Variants in RNLS observed in about 807,000 individuals in gnomAD.
The protein encoded by RNLS is renalase.
A neutral mutation model predicts 39.8 loss-of-function variants in RNLS; 39 were observed. That is an observed-to-expected ratio of 0.98 (90% CI 0.76 to 1.28). The LOEUF is 1.28. Ranked by LOEUF, RNLS falls within the 50% of genes most tolerant of loss-of-function variation. RNLS has a pLI of 0.00. For missense variants in RNLS, 410 were observed against 413.3 expected (o/e 0.99, Z 0.07); for synonymous variants, 147 against 150.7 (o/e 0.98, Z 0.18).
chr10:88,202,979 C>G, the RNLS span, among the ~76,000 whole-genome samples: 6 of 152,026 alleles, frequency 3.9e-5, no homozygotes, highest in East Asian at 1.2e-3. Context: ...GTGGAGAGAC[C>G]TTTCAAGAGG....
At chr10:88,320,191 C>T (rs141772460) in intron 5 of RNLS, among the ~76,000 whole-genome samples, 105 of 150,978 alleles carry the variant, frequency 7.0e-4, no homozygotes, top group African/African-American at 2.4e-3. Flanking sequence ...TATACCCTGC[C>T]AAACTACACC....
intron 4 of RNLS, among the ~76,000 whole-genome samples, chr10:88,469,822 CGTGTGTGTGTGTGT>C (rs199651876): frequency 4.3e-5 from 6 of 138,202 alleles, no homozygotes; most frequent in Non-Finnish European, 6.2e-5. Context: ...TATGTGTGTG[CGTGTGTGTGTGTGT>C]GTGTGTGTGT....
At chr10:88,341,446 T>TAAAC (rs1847955534) in intron 5 of RNLS, among the ~76,000 whole-genome samples, 1 of 151,184 alleles carries the variant, frequency 6.6e-6, no homozygotes, top group Non-Finnish European at 1.5e-5. Flanking sequence ...ACTGAATGTA[T>TAAAC]AAACAATGAA....
At chr10:88,256,841 G>A in the RNLS span, among the ~76,000 whole-genome samples, 2 of 152,000 alleles carry the variant, frequency 1.3e-5, no homozygotes, top group Admixed American at 1.3e-4. Context: ...GGGTTGAAGG[G>A]CCATTCACCC....
intron 5 of RNLS, among the ~76,000 whole-genome samples, chr10:88,345,678 A>G (rs985088411): frequency 1.1e-4 from 16 of 152,144 alleles, no homozygotes; most frequent in Non-Finnish European, 1.8e-4. Flanking sequence ...AGTTTTGGAT[A>G]TACTATCTCA....
At position 88,513,000 on chromosome 10, in the gene RNLS, C is replaced by T. The variant is rs190836847; in HGVS notation, c.526+59903G>A. On this transcript the variant is annotated intron_variant, in intron 4 of 6. Transcript: ENST00000331772. ...GTGAGAATTACATAAAGTAAGACAT[C>T]GGAAGTATCTGGCCCAATAAGTATT... is the stretch of plus-strand genomic sequence containing the variant. Among the ~76,000 whole-genome samples the T allele has an allele frequency of 1.8e-3, 281 of 152,196 alleles. 3 individuals carry two copies. Among genetic ancestry groups the T allele is most frequent in the East Asian group, 0.011 (59 of 5,188 alleles).
intron 4 of RNLS, among the ~76,000 whole-genome samples, chr10:88,439,546 T>C (rs1841595672): frequency 6.6e-6 from 1 of 152,238 alleles, no homozygotes; most frequent in African/African-American, 2.4e-5. Context: ...TAAGTATGAT[T>C]AGGGTCAACT....
intron 5 of RNLS, among the ~76,000 whole-genome samples, chr10:88,360,152 T>C (rs981438268): frequency 3.9e-5 from 6 of 152,254 alleles, no homozygotes; most frequent in African/African-American, 1.4e-4. Flanking sequence ...TACTTGAAGA[T>C]AATGGACATT....
rs555345218 is a variant in RNLS at position 88,493,164 on chromosome 10, T to C, written c.526+79739A>G. ...ATGTGTTCTACTTGTAAACCAGCTT[T>C]AAATGAACCATTATGAAAATCTGGT... On this transcript the variant is annotated intron_variant, in intron 4 of 6. Coordinates refer to ENST00000331772, the MANE Select transcript of RNLS (RefSeq NM_001031709.3). Among the ~76,000 whole-genome samples, 3 of 152,246 alleles carry C rather than the reference T, an allele frequency of 2.0e-5. No homozygotes were observed. The East Asian group carries it at 5.8e-4, about 29-fold the overall frequency.
At chr10:88,221,873 A>G in the RNLS span, among the ~76,000 whole-genome samples, 4 of 151,892 alleles carry the variant, frequency 2.6e-5, no homozygotes, top group Non-Finnish European at 5.9e-5. Flanking sequence ...CCAGTGTTCC[A>G]GCAGCAAATC....
At chr10:88,558,992 G>A (rs865817198) in intron 4 of RNLS, among the ~76,000 whole-genome samples, 9 of 152,054 alleles carry the variant, frequency 5.9e-5, no homozygotes, top group Admixed American at 5.9e-4. Flanking sequence ...CATACTATTT[G>A]ATGAAAACAG....
chr10:88,485,652 A>C (rs1235843907), intron 4 of RNLS, among the ~76,000 whole-genome samples: 2 of 151,686 alleles, frequency 1.3e-5, no homozygotes, highest in African/African-American at 2.4e-5. Context: ...CAAAAAAAAA[A>C]AAAAAAAACG....
chr10:88,228,856 T>C, the RNLS span, among the ~76,000 whole-genome samples: 1 of 152,248 alleles, frequency 6.6e-6, no homozygotes, highest in Non-Finnish European at 1.5e-5. Flanking sequence ...CTCATCCTTT[T>C]ATACAGACCT....
chr10:88,265,384 G>C, the RNLS span, among the ~76,000 whole-genome samples: 2,764 of 83,854 alleles, frequency 0.033, 65 homozygotes, highest in South Asian at 0.12. Context: ...TTCTAGTTCT[G>C]TGAAGAATGA....
chr10:88,278,208 G>A (rs571322057), intron 6 of RNLS, among the ~76,000 whole-genome samples: 8 of 152,136 alleles, frequency 5.3e-5, no homozygotes, highest in African/African-American at 1.9e-4. Context: ...TCTCAATTAG[G>A]TGATGCTTGC....
intron 4 of RNLS, among the ~76,000 whole-genome samples, chr10:88,393,915 C>G (rs942692051): frequency 1.3e-5 from 2 of 152,164 alleles, no homozygotes; most frequent in African/African-American, 4.8e-5. Context: ...TGATCTTTGA[C>G]AAACCTGACA....
the RNLS span, among the ~76,000 whole-genome samples, chr10:88,217,768 A>T: frequency 3.8e-3 from 478 of 127,366 alleles, 3 homozygotes; most frequent in Middle Eastern, 0.024. Context: ...GGCTGGGCGC[A>T]GTGGCTCACG....
chr10:88,175,504 G>T, the RNLS span, among the ~76,000 whole-genome samples: 1 of 152,140 alleles, frequency 6.6e-6, no homozygotes, highest in African/African-American at 2.4e-5. Context: ...TTGACTCATT[G>T]GTTATTCAGG....
the RNLS span, among the ~76,000 whole-genome samples, chr10:88,237,063 C>T: frequency 1.2e-3 from 184 of 152,084 alleles, 2 homozygotes; most frequent in Non-Finnish European, 1.2e-4. Flanking sequence ...GATAAAGTTG[C>T]CATTTATGAT....
Sources: allele counts gnomAD v4.1 joint callset (sites outside exome capture counted in the v4.1 genomes callset), GRCh38; gene constraint gnomAD v4.1.1; transcripts MANE v1.5; gene names NCBI Gene and HGNC (gene_info 2026-07-23, HGNC 2026-07-21).